Variants in AKAP6 observed in about 807,000 individuals in gnomAD.
AKAP6 encodes the protein A-kinase anchor protein 6.
A neutral mutation model predicts 188.5 loss-of-function variants in AKAP6; 58 were observed. The observed-to-expected ratio is 0.31, with a 90% CI of 0.25 to 0.38. The LOEUF (loss-of-function observed/expected upper bound fraction) is 0.38. Ranked by LOEUF, AKAP6 falls within the 10% of genes least tolerant of loss-of-function variation. The pLI, the probability that AKAP6 is intolerant of heterozygous loss-of-function variation, is 1.00. For synonymous variants in AKAP6, 989 were observed against 998.6 expected, an observed-to-expected ratio of 0.99 and a Z score of 0.18; for missense variants, 2,710 against 2,740.0, an observed-to-expected ratio of 0.99 and a Z score of 0.24.
intron 7 of AKAP6, among the ~76,000 whole-genome samples, chr14:32,654,930 T>C (rs1888394278): frequency 6.6e-6 from 1 of 152,132 alleles, no homozygotes; most frequent in African/African-American, 2.4e-5. Context: ...CTTTAAGGAC[T>C]TCTATAAAGT....
intron 12 of AKAP6, among the ~76,000 whole-genome samples, chr14:32,774,853 A>G (rs1327340929): frequency 6.6e-6 from 1 of 152,200 alleles, no homozygotes; most frequent in Non-Finnish European, 1.5e-5. Flanking sequence ...AAATTGAAAA[A>G]TCAAATGTAA....
intron 12 of AKAP6, among the ~76,000 whole-genome samples, chr14:32,777,563 T>C (rs2033106156): frequency 6.6e-6 from 1 of 152,046 alleles, no homozygotes; most frequent in Non-Finnish European, 1.5e-5. Flanking sequence ...CTGGATGAGA[T>C]TAACAGCCAA....
At chr14:32,761,252 T>TC (rs1194005628) in intron 11 of AKAP6, among the ~76,000 whole-genome samples, 2 of 152,188 alleles carry the variant, frequency 1.3e-5, no homozygotes, top group African/African-American at 4.8e-5. Flanking sequence ...AGGTGTTATT[T>TC]CCCCATGCTT....
chr14:32,634,118 T>TCTGGATTCAGCCTGGGA lies in AKAP6; in HGVS notation c.2730+33330_2730+33346dup, dbSNP rs371239020. Reference sequence around the variant, plus strand: ...TAGAATACAGTGGTTAAAACTAGCTTCTGGATTCAGCCTGGGACTGAACCC... The same window carrying TCTGGATTCAGCCTGGGA: ...TAGAATACAGTGGTTAAAACTAGCTTCTGGATTCAGCCTGGGACTGGATTCAGCCTGGGACTGAACCC... On this transcript the variant is annotated intron_variant, in intron 7 of 13. Transcript: ENST00000280979. Among the ~76,000 whole-genome samples, 596 of 152,172 alleles carry TCTGGATTCAGCCTGGGA rather than the reference T, an allele frequency of 3.9e-3. 2 individuals carry two copies. Among genetic ancestry groups the TCTGGATTCAGCCTGGGA allele is most frequent in the African/African-American group, 0.013 (556 of 41,546 alleles).
At chr14:32,388,591 T>A (rs1888607927) in intron 1 of AKAP6, among the ~76,000 whole-genome samples, 1 of 152,138 alleles carries the variant, frequency 6.6e-6, no homozygotes, top group Admixed American at 6.6e-5. Context: ...AATTTTCATG[T>A]TGATTTCATT....
intron 9 of AKAP6, among the ~76,000 whole-genome samples, chr14:32,720,243 T>G (rs11622735): frequency 0.18 from 27,566 of 152,222 alleles, 2,754 homozygotes; most frequent in Non-Finnish European, 0.24. Context: ...ATAGCCACCA[T>G]CTTTTAAAGT....
At chr14:32,603,002 C>G (rs557551285) in intron 7 of AKAP6, among the ~76,000 whole-genome samples, 1 of 152,080 alleles carries the variant, frequency 6.6e-6, no homozygotes, top group Non-Finnish European at 1.5e-5. Context: ...TTAATAACTG[C>G]CTTTACAGAT....
chr14:32,349,480 C>T (rs1887188432), intron 1 of AKAP6, among the ~76,000 whole-genome samples: 1 of 152,060 alleles, frequency 6.6e-6, no homozygotes, highest in African/African-American at 2.4e-5. Context: ...TGGTCCTTAG[C>T]CTCAGAAATA....
intron 1 of AKAP6, among the ~76,000 whole-genome samples, chr14:32,353,649 G>A (rs999442161): frequency 6.7e-6 from 1 of 149,240 alleles, no homozygotes; most frequent in African/African-American, 2.5e-5. Flanking sequence ...ATTCAATTAG[G>A]AAAAGAGGAA....
At chr14:32,680,379 C>T (rs1290735641) in intron 8 of AKAP6, among the ~76,000 whole-genome samples, 1 of 152,142 alleles carries the variant, frequency 6.6e-6, no homozygotes, top group Non-Finnish European at 1.5e-5. Flanking sequence ...ACTGTCTGTT[C>T]CCACAGTCAA....
chr14:32,811,897 A>G (rs767769863), intron 12 of AKAP6, among the ~76,000 whole-genome samples: 8 of 152,220 alleles, frequency 5.3e-5, no homozygotes, highest in Non-Finnish European at 1.0e-4. Context: ...CCTTATGTCT[A>G]TCTCACAGGA....
At chr14:32,658,459 T>C (rs978393930) in intron 7 of AKAP6, among the ~76,000 whole-genome samples, 1 of 152,164 alleles carries the variant, frequency 6.6e-6, no homozygotes, top group Non-Finnish European at 1.5e-5. Flanking sequence ...AACATAGTAG[T>C]CATAACTTTG....
At chr14:32,542,285 A>G (rs1882989318) in intron 3 of AKAP6, among the ~76,000 whole-genome samples, 1 of 152,216 alleles carries the variant, frequency 6.6e-6, no homozygotes, top group Non-Finnish European at 1.5e-5. Context: ...ATAGGAAGGC[A>G]TAGAGAGACA....
chr14:32,345,387 T>C (rs1213704898), intron 1 of AKAP6, among the ~76,000 whole-genome samples: 1 of 152,182 alleles, frequency 6.6e-6, no homozygotes, highest in African/African-American at 2.4e-5. Flanking sequence ...AAAATTGCCT[T>C]GGAAATGATT....
chr14:32,778,555 T>C (rs2140009207), intron 12 of AKAP6, among the ~76,000 whole-genome samples: 1 of 152,246 alleles, frequency 6.6e-6, no homozygotes, highest in African/African-American at 2.4e-5. Flanking sequence ...TTTATTTGTT[T>C]GTATTTTTAG....
chr14:32,806,830 T>C (rs12889349), intron 12 of AKAP6, among the ~76,000 whole-genome samples: 59,298 of 152,070 alleles, frequency 0.39, 11,733 homozygotes, highest in Non-Finnish European at 0.42. Context: ...GAGTTTAAGA[T>C]TGAATTTTGA....
intron 2 of AKAP6, among the ~76,000 whole-genome samples, chr14:32,481,319 C>A (rs721537): frequency 0.069 from 10,564 of 152,224 alleles, 927 homozygotes; most frequent in African/African-American, 0.2. Context: ...TCATTGCTAT[C>A]AATTTCATAT....
rs117474387 is a variant in AKAP6, at chr14:32,437,136, C to T, written c.324+3319C>T. ...GTTTGTTCTTGTCTGACAGCTTTTC[C>T]TGTTCCTTCTGCGGAGAAGCTCTCT... On this transcript the variant is annotated intron_variant, in intron 2 of 13. Coordinates refer to ENST00000280979, the MANE Select transcript of AKAP6 (RefSeq NM_004274.5). Among the ~76,000 whole-genome samples, 472 of 152,240 alleles carry T rather than the reference C, an allele frequency of 3.1e-3. 2 individuals are homozygous for T. Among genetic ancestry groups the T allele is most frequent in the East Asian group, 0.024 (123 of 5,170 alleles).
Position 32,754,834 on chromosome 14 carries a change from C to G in AKAP6, c.3373-18844C>G, listed in dbSNP as rs537195340. On this transcript the variant is annotated intron_variant, in intron 11 of 13. Coordinates refer to ENST00000280979, the MANE Select transcript of AKAP6 (RefSeq NM_004274.5). ...TTTGAATATATCTTCCCACTCTTTC[C>G]TGCCCCGCAAAGTTTCTGCTGAAAA... Among the ~76,000 whole-genome samples, 6 of 152,240 alleles carry G rather than the reference C, an allele frequency of 3.9e-5. No homozygotes were observed. The South Asian group carries it at 1.2e-3, about 32-fold the overall frequency.
Sources: allele counts gnomAD v4.1 joint callset (sites outside exome capture counted in the v4.1 genomes callset), GRCh38; gene constraint gnomAD v4.1.1; transcripts MANE v1.5; gene names NCBI Gene and HGNC (gene_info 2026-07-23, HGNC 2026-07-21).